CSMD1: variants seen among roughly 807,000 people sequenced by gnomAD.
The protein encoded by CSMD1 is CUB and Sushi multiple domains 1.
Under a neutral mutation model 417.5 loss-of-function variants are expected in CSMD1, and 213 were observed. That is an observed-to-expected ratio of 0.51 (90% CI 0.46 to 0.57). The LOEUF (loss-of-function observed/expected upper bound fraction) is 0.57, where lower values mean the gene tolerates loss of function less well. Ranked by LOEUF, CSMD1 falls within the 20% of genes least tolerant of loss-of-function variation. The pLI is 0.00. For missense variants in CSMD1, 6,923 were observed against 4,529.7 expected (o/e 1.53, Z -15.17); for synonymous variants, 2,862 against 1,736.8 (o/e 1.65, Z -16.11).
chr8:3,037,982 G>A (rs890661830), intron 50 of CSMD1, among the ~76,000 whole-genome samples: 1 of 152,120 alleles, frequency 6.6e-6, no homozygotes, highest in Non-Finnish European at 1.5e-5. Context: ...CATTTGTGAA[G>A]CTTCTAAAAC....
intron 7 of CSMD1, among the ~76,000 whole-genome samples, chr8:3,684,074 G>GA (rs1214087398): frequency 6.8e-6 from 1 of 146,644 alleles, no homozygotes; most frequent in African/African-American, 2.5e-5. Flanking sequence ...CTCTAAACAT[G>GA]AAAAAAGCAA....
At chr8:3,773,082 C>T (rs1195083105) in intron 5 of CSMD1, among the ~76,000 whole-genome samples, 1 of 152,116 alleles carries the variant, frequency 6.6e-6, no homozygotes, top group South Asian at 2.1e-4. Context: ...TCTATAAGGA[C>T]ACTAATCACA....
intron 3 of CSMD1, among the ~76,000 whole-genome samples, chr8:4,036,768 T>C (rs1025688432): frequency 2.0e-5 from 3 of 152,226 alleles, no homozygotes; most frequent in Middle Eastern, 3.2e-3. Context: ...CAAATAGCAC[T>C]GTTGGCAGCA....
At chr8:3,072,808 T>A (rs1274669530) in intron 49 of CSMD1, among the ~76,000 whole-genome samples, 2 of 152,188 alleles carry the variant, frequency 1.3e-5, no homozygotes, top group Non-Finnish European at 2.9e-5. Flanking sequence ...ATCTGAATAC[T>A]GGTCGATGTA....
chr8:4,104,326 T>G (rs1236777620), intron 3 of CSMD1, among the ~76,000 whole-genome samples: 3 of 152,182 alleles, frequency 2.0e-5, no homozygotes, highest in African/African-American at 4.8e-5. Flanking sequence ...TCCACATGAG[T>G]GCTTAGAACA....
chr8:3,670,539 T>C (rs1433871397), intron 7 of CSMD1, among the ~76,000 whole-genome samples: 1 of 125,224 alleles, frequency 8.0e-6, no homozygotes, highest in Admixed American at 8.1e-5. Context: ...ATATCCCATA[T>C]ACATATATCC....
chr8:3,566,116 A>C (rs1245944355), intron 10 of CSMD1, among the ~76,000 whole-genome samples: 2 of 152,114 alleles, frequency 1.3e-5, no homozygotes, highest in African/African-American at 4.8e-5. Context: ...GCGGAGAAGA[A>C]GGAGAGGGAA....
chr8:3,935,222 G>A (rs1563228238), intron 5 of CSMD1, among the ~76,000 whole-genome samples: 2 of 152,226 alleles, frequency 1.3e-5, no homozygotes, highest in East Asian at 3.9e-4. Flanking sequence ...AGAACAAATG[G>A]AAATCGTTCT....
chr8:3,367,008 A>T, intron 20 of CSMD1, 24 bp downstream of exon 20: 1 of 1,576,150 alleles, frequency 6.3e-7, no homozygotes, highest in South Asian at 1.1e-5. Context: ...CAGAGGAGAG[A>T]AACAGCAAAC....
At chr8:3,188,178 T>TTA (rs1224684355) in intron 35 of CSMD1, among the ~76,000 whole-genome samples, 22 of 147,870 alleles carry the variant, frequency 1.5e-4, no homozygotes, top group African/African-American at 4.2e-4. Flanking sequence ...TGCCATAATA[T>TTA]TATATATATA....
chr8:3,957,719 G>GA (rs113733623), intron 5 of CSMD1, among the ~76,000 whole-genome samples: 70,969 of 151,010 alleles, frequency 0.47, 17,306 homozygotes, highest in East Asian at 0.79. Context: ...AAAGAGAAAA[G>GA]AAAAAGGAAA....
intron 5 of CSMD1, among the ~76,000 whole-genome samples, chr8:3,857,396 G>C (rs1160891427): frequency 5.9e-5 from 9 of 152,146 alleles, no homozygotes; most frequent in Admixed American, 4.6e-4. Flanking sequence ...CCTATATTTG[G>C]AATAACAAGT....
chr8:3,377,721 G>C (rs1810398517), intron 18 of CSMD1, among the ~76,000 whole-genome samples: 1 of 152,028 alleles, frequency 6.6e-6, no homozygotes, highest in South Asian at 2.1e-4. Context: ...TCACATGCTG[G>C]CTACTTTGGG....
intron 46 of CSMD1, among the ~76,000 whole-genome samples, chr8:3,099,183 A>AAGCAAACCGCAAT (rs1731235476): frequency 6.6e-6 from 1 of 152,050 alleles, no homozygotes; most frequent in Admixed American, 6.6e-5. Flanking sequence ...TTACTACAAT[A>AAGCAAACCGCAAT]AGCAAACCGC....
intron 3 of CSMD1, among the ~76,000 whole-genome samples, chr8:4,218,315 G>T (rs1224658334): frequency 6.6e-6 from 1 of 152,098 alleles, no homozygotes; most frequent in Admixed American, 6.6e-5. Context: ...TGAATTCTTA[G>T]CCTATTCATT....
intron 1 of CSMD1, among the ~76,000 whole-genome samples, chr8:4,685,924 A>C (rs1806354873): frequency 6.6e-6 from 1 of 152,236 alleles, no homozygotes; most frequent in Non-Finnish European, 1.5e-5. Context: ...GAAGAAACTT[A>C]CTGGATCATC....
intron 1 of CSMD1, among the ~76,000 whole-genome samples, chr8:4,910,193 C>T (rs1368121129): frequency 6.6e-6 from 1 of 152,146 alleles, no homozygotes; most frequent in East Asian, 1.9e-4. Flanking sequence ...CATACACACA[C>T]TTGTTATACT....
At chr8:4,795,574 C>A (rs1027316590) in intron 1 of CSMD1, among the ~76,000 whole-genome samples, 1 of 151,942 alleles carries the variant, frequency 6.6e-6, no homozygotes, top group South Asian at 2.1e-4. Context: ...CTTTCTTAAG[C>A]TTTTTTTCAA....
intron 2 of CSMD1, among the ~76,000 whole-genome samples, chr8:4,557,287 A>G (rs773910801): frequency 1.6e-4 from 24 of 152,212 alleles, no homozygotes; most frequent in Non-Finnish European, 2.1e-4. Flanking sequence ...AAATTGGTCT[A>G]TATTTCTATC....
Sources: gnomAD v4.1 joint callset for allele counts (sites outside exome capture counted in the v4.1 genomes callset) on GRCh38, gnomAD v4.1.1 for gene constraint, MANE v1.5 for transcripts, NCBI Gene and HGNC (gene_info 2026-07-23, HGNC 2026-07-21) for gene names.